The following TBC1D9 variants were observed in gnomAD, a reference collection of about 807,000 sequenced individuals.
TBC1D9 encodes TBC1 domain family member 9A.
TBC1D9 carries 63 observed loss-of-function variants against 132.0 expected under a neutral mutation model. That is an observed-to-expected ratio of 0.48 (90% confidence interval 0.39 to 0.59). TBC1D9 has a LOEUF of 0.59. Among genes scored for constraint, TBC1D9 ranks in the 20% least tolerant of loss-of-function variants. The probability of loss-of-function intolerance (pLI) is 0.00; values close to 1 mark genes in which losing one functional copy is unlikely to be tolerated. For synonymous variants in TBC1D9, 610 were observed against 609.9 expected (o/e 1.00, Z 0.00); for missense variants, 1,261 against 1,592.7 (o/e 0.79, Z 3.54).
intron 5 of TBC1D9, among the ~76,000 whole-genome samples, chr4:140,678,101 C>A (rs997098825): frequency 6.6e-6 from 1 of 151,826 alleles, no homozygotes; most frequent in Non-Finnish European, 1.5e-5. Flanking sequence ...CTTTCCTTGT[C>A]TTTTATTTTT....
chr4:140,676,505 T>C (rs1737626916), intron 6 of TBC1D9, among the ~76,000 whole-genome samples: 1 of 151,984 alleles, frequency 6.6e-6, no homozygotes, highest in Non-Finnish European at 1.5e-5. Context: ...ATACAAAAAT[T>C]AGCTGGGCAT....
In TBC1D9 at chr4:140,657,119, C is replaced by G. The variant is rs957752199; in HGVS notation, c.2315G>C (p.Arg772Thr). Residue 772 changes from arginine (R) to threonine (T), a missense_variant, in exon 13 of 21, where the codon AGA becomes ACA. This residue lies in a region of TBC1D9 where 618 missense variants were observed against 724.4 expected (regional missense o/e 0.85). Coordinates refer to ENST00000442267, the MANE Select transcript of TBC1D9 (RefSeq NM_015130.3). Reference protein sequence around the residue: ...VEPYPEVDIFRLIRTSYEKFG... With the variant: ...VEPYPEVDIFTLIRTSYEKFG... ...TACCTCGTAGGAAGTTCTGATGAGTCTAAAGATGTCTACCTCAGGGTAAGG... is the reference window on the plus strand; with the variant it reads ...TACCTCGTAGGAAGTTCTGATGAGTGTAAAGATGTCTACCTCAGGGTAAGG... 12 of 1,613,798 alleles carry G rather than the reference C, an allele frequency of 7.4e-6. No homozygotes were observed. The highest frequency in any genetic ancestry group is 9.3e-6 in the Non-Finnish European group (11 of 1,179,856).
intron 1 of TBC1D9, among the ~76,000 whole-genome samples, chr4:140,753,409 A>G (rs147854439): frequency 1.2e-3 from 180 of 152,202 alleles, no homozygotes; most frequent in African/African-American, 3.7e-3. Context: ...GCTGGCTTCT[A>G]TTGGGTTCCA....
chr4:140,667,769 G>A (rs1322786729), intron 9 of TBC1D9, among the ~76,000 whole-genome samples: 2 of 152,016 alleles, frequency 1.3e-5, no homozygotes, highest in East Asian at 3.9e-4. Context: ...TGAAAAATAA[G>A]ACATGTATTA....
At chr4:140,668,597 A>G (rs1737484406) in intron 9 of TBC1D9, among the ~76,000 whole-genome samples, 1 of 152,226 alleles carries the variant, frequency 6.6e-6, no homozygotes, top group Non-Finnish European at 1.5e-5. Flanking sequence ...AAAAAGAACT[A>G]CTGAAGTCAC....
chr4:140,691,112 G>A (rs761164255), intron 2 of TBC1D9, among the ~76,000 whole-genome samples: 17 of 152,112 alleles, frequency 1.1e-4, no homozygotes, highest in Non-Finnish European at 2.4e-4. Flanking sequence ...AAAAGTACGA[G>A]GATACTGAAA....
At chr4:140,709,906 C>T (rs1664905370) in intron 1 of TBC1D9, among the ~76,000 whole-genome samples, 1 of 152,174 alleles carries the variant, frequency 6.6e-6, no homozygotes, top group Admixed American at 6.5e-5. Flanking sequence ...CAAATGCTCC[C>T]TCACCTGCCA....
intron 2 of TBC1D9, among the ~76,000 whole-genome samples, chr4:140,694,304 C>T (rs1737918863): frequency 6.6e-6 from 1 of 152,176 alleles, no homozygotes; most frequent in Non-Finnish European, 1.5e-5. Context: ...GGCGCAGTGG[C>T]TCATGCCTGT....
intron 9 of TBC1D9, among the ~76,000 whole-genome samples, chr4:140,663,674 G>A (rs908559841): frequency 6.6e-6 from 1 of 152,074 alleles, no homozygotes. Flanking sequence ...AAAGAAAATG[G>A]GGCATATATA....
chr4:140,622,235 G>A lies in TBC1D9; in HGVS notation c.3761C>T (p.Thr1254Ile), dbSNP rs371556899. Residue 1254 changes from threonine to isoleucine, a missense_variant, in exon 21 of 21, where the codon ACC becomes ATC. Physicochemically the swap from Thr to Ile is moderately conservative, Grantham distance 89 (BLOSUM62 -1). Coordinates refer to ENST00000442267, the MANE Select transcript of TBC1D9 (RefSeq NM_015130.3). ...CGAGATTTCATAGTCACTGGCCGAGGTGAGGGGCTTGCCCATCATCCGGAT... is the reference window on the plus strand; with the variant it reads ...CGAGATTTCATAGTCACTGGCCGAGATGAGGGGCTTGCCCATCATCCGGAT... The part of the protein sequence containing the change: ...KNIRMMGKPL[T>I]SASDYEISAM... 2 of 1,596,220 alleles carry A rather than the reference G, an allele frequency of 1.3e-6. No homozygotes were observed. The highest frequency in any genetic ancestry group is 1.7e-6 in the Non-Finnish European group (2 of 1,165,050).
At chr4:140,733,257 T>C (rs1292157087) in intron 1 of TBC1D9, among the ~76,000 whole-genome samples, 1 of 152,192 alleles carries the variant, frequency 6.6e-6, no homozygotes, top group Non-Finnish European at 1.5e-5. Context: ...ATACAGACAA[T>C]ATGCCTCTTT....
chr4:140,642,515 G>T lies in TBC1D9; in HGVS notation c.2338-3087C>A, dbSNP rs1578820152. 4.3e-6 allele frequency: 5 copies of T among 1,161,384 alleles called. No individual in the cohort carries two copies. In the East Asian group the frequency reaches 9.4e-5, roughly 22 times the overall value. 71.9% of individuals were successfully genotyped at this position (1,161,384 alleles called of 1,614,324 possible). A position where few individuals can be genotyped will look rare whatever the true frequency, so the allele number is the denominator to read the frequency against. The stretch of plus-strand genomic sequence containing the variant: ...CCAGCACTGTCTGAAAACTTGAAGG[G>T]TGACTTCAACTTGTCCTGCTTGGTG... On this transcript the variant is annotated intron_variant, in intron 13 of 20. Transcript: ENST00000442267.
chr4:140,686,565 T>A, intron 2 of TBC1D9, 103 bp from the exon 3 acceptor site: 1 of 707,952 alleles, frequency 1.4e-6, no homozygotes. Context: ...AAGGAGACTA[T>A]CGGACCAAGA....
At chr4:140,738,303 C>G (rs913772208) in intron 1 of TBC1D9, among the ~76,000 whole-genome samples, 1 of 152,190 alleles carries the variant, frequency 6.6e-6, no homozygotes, top group Non-Finnish European at 1.5e-5. Context: ...CACATGCTTA[C>G]TTTATCTTAT....
chr4:140,723,555 A>G (rs912270447), intron 1 of TBC1D9, among the ~76,000 whole-genome samples: 1 of 152,070 alleles, frequency 6.6e-6, no homozygotes, highest in Non-Finnish European at 1.5e-5. Flanking sequence ...GCTGGTCTCA[A>G]ACTCCTGACC....
At chr4:140,661,286 G>C (rs72947330) in intron 10 of TBC1D9, among the ~76,000 whole-genome samples, 21,244 of 152,204 alleles carry the variant, frequency 0.14, 1,869 homozygotes, top group Non-Finnish European at 0.19. Flanking sequence ...CAGTACAAGA[G>C]ATGACTTTTG....
intron 13 of TBC1D9, chr4:140,643,927 G>A (rs1361918606): frequency 6.0e-6 from 4 of 670,734 alleles, no homozygotes; most frequent in African/African-American, 1.8e-5. Flanking sequence ...TCTGCGGGGC[G>A]CTCGTCCACA....
intron 1 of TBC1D9, among the ~76,000 whole-genome samples, chr4:140,744,672 T>G (rs1052147478): frequency 2.6e-5 from 4 of 151,840 alleles, no homozygotes; most frequent in Non-Finnish European, 1.5e-5. Flanking sequence ...TCACCTGAGG[T>G]CAGGAGTTTG....
intron 5 of TBC1D9, among the ~76,000 whole-genome samples, chr4:140,678,592 A>C (rs985308946): frequency 6.6e-6 from 1 of 152,076 alleles, no homozygotes; most frequent in Non-Finnish European, 1.5e-5. Flanking sequence ...ATGTACCTGC[A>C]CAGGTAACTT....
Sources: allele counts gnomAD v4.1 joint callset (sites outside exome capture counted in the v4.1 genomes callset), GRCh38; gene constraint gnomAD v4.1.1; regional missense constraint gnomAD v4.1.1; transcripts MANE v1.5; gene names NCBI Gene and HGNC (gene_info 2026-07-23, HGNC 2026-07-21).